Variants in SLC4A2 observed in about 807,000 individuals in gnomAD.
The protein encoded by SLC4A2 is solute carrier family 4 member 2, also known as anion exchange protein 2.
A neutral mutation model predicts 115.0 loss-of-function variants in SLC4A2; 36 were observed. The ratio of observed to expected loss-of-function variants is 0.31; its 90% CI spans 0.24 to 0.41. SLC4A2 has a LOEUF of 0.41. Among genes scored for constraint, SLC4A2 ranks in the 10% least tolerant of loss-of-function variants. SLC4A2 has a pLI of 1.00. For missense variants in SLC4A2, 1,252 were observed against 1,705.6 expected (o/e 0.73, Z 4.68); for synonymous variants, 708 against 708.3 (o/e 1.00, Z 0.01).
chr7:151,066,570 C>G lies in SLC4A2; in HGVS notation c.632C>G (p.Ala211Gly), dbSNP rs781279800. 1 of 1,545,886 alleles carries G rather than the reference C, an allele frequency of 6.5e-7. No homozygotes were observed. The highest frequency in any genetic ancestry group is 8.7e-7 in the Non-Finnish European group (1 of 1,145,364). The change falls in exon 6 of 23, where the codon GCA (alanine) becomes GGA (glycine). Residue 211 changes from alanine to glycine, a missense_variant. Transcript: ENST00000413384. ...AEAVAVASGT[A>G]GGDDGGASGR... The stretch of plus-strand genomic sequence containing the variant: ...GCGGTGGCGGTGGCCAGTGGCACTG[C>G]AGGGGGTGACGACGGGGGTGCCTCG...
In SLC4A2 at chr7:151,066,816, AG is replaced by A. The variant is rs1797252400; in HGVS notation, c.824-30del. On this transcript the variant is annotated intron_variant, in intron 6 of 22. Coordinates refer to ENST00000413384, the MANE Select transcript of SLC4A2 (RefSeq NM_003040.4). ...ACTGGTGGGCAAAGGAGTGAGAGAAAGGGGGAGCCCAACCTTGGTCCTCTGC... is the reference window on the plus strand; with the variant it reads ...ACTGGTGGGCAAAGGAGTGAGAGAAAGGGGAGCCCAACCTTGGTCCTCTGC... 4 of 1,599,002 alleles carry A rather than the reference AG, an allele frequency of 2.5e-6. No individual in the cohort carries two copies. The South Asian group carries it at 4.5e-5, about 18-fold the overall frequency.
chr7:151,074,606 A>T, intron 18 of SLC4A2, 69 bp from the exon 19 acceptor site: 1 of 1,571,832 alleles, frequency 6.4e-7, no homozygotes, highest in Non-Finnish European at 8.7e-7. Context: ...TTAAGATGCC[A>T]TCCCCTTTCC....
chr7:151,075,781 C>A lies in SLC4A2; in HGVS notation c.3471+6C>A. ...ATGTCACTTACGTCAAGAAGGTGAGCCCCCCAGCTCCCCACCGGAAGGGGT... is the reference window on the plus strand; with the variant it reads ...ATGTCACTTACGTCAAGAAGGTGAGACCCCCAGCTCCCCACCGGAAGGGGT... On this transcript the variant is annotated splice_donor_region_variant and intron_variant, in intron 21 of 22. Transcript: ENST00000413384. 1 of 1,595,280 alleles carries A rather than the reference C, an allele frequency of 6.3e-7. No individual in the cohort carries two copies. Among genetic ancestry groups the A allele is most frequent in the Non-Finnish European group, 8.6e-7 (1 of 1,166,220 alleles).
At chr7:151,072,189 G>A in intron 16 of SLC4A2, 53 bp downstream of exon 16, 2 of 1,516,126 alleles carry the variant, frequency 1.3e-6, no homozygotes, top group Non-Finnish European at 1.8e-6. Context: ...TCTCAGGGCT[G>A]GAGGGAGTCT....
rs942896560 is a variant in SLC4A2 at position 151,062,486 on chromosome 7, T to C, written c.51+448T>C. The C allele has an allele frequency of 1.9e-5, 18 of 947,184 alleles. No individual in the cohort carries two copies. In the East Asian group the frequency reaches 1.0e-3, roughly 53 times the overall value. The allele number at this position is 947,184 out of a possible 1,614,324, so 58.7% of individuals were successfully genotyped here. A position where few individuals can be genotyped will look rare whatever the true frequency, so the allele number is the denominator to read the frequency against. ...GCCCCCACGTGGCCACCGCTCCACA[T>C]GGCCCCCTTTGGATTTTCCTAAGGA... On this transcript the variant is annotated intron_variant, in intron 2 of 22. Transcript: ENST00000413384.
chr7:151,066,356 T>C (rs1178869735), intron 5 of SLC4A2, among the ~76,000 whole-genome samples, 161 bp from the exon 6 acceptor site: 1 of 152,192 alleles, frequency 6.6e-6, no homozygotes, highest in Non-Finnish European at 1.5e-5. Flanking sequence ...GCAGTCTGCA[T>C]CCAGAATCCT....
Position 151,074,046 on chromosome 7 carries a change from A to G in SLC4A2, c.2543A>G (p.Gln848Arg). The G allele has an allele frequency of 1.3e-6, 2 of 1,576,378 alleles. No homozygotes were observed. The highest frequency in any genetic ancestry group is 1.7e-6 in the Non-Finnish European group (2 of 1,156,416). ...ETFYKLVKIF[Q>R]EHPLHGCSAS... ...GTGGCCTCCTCTCCCCAGATCTTCC[A>G]GGAGCACCCCCTGCATGGCTGCTCA... Residue 848 changes from glutamine to arginine, a missense_variant, in exon 17 of 23, where the codon CAG becomes CGG. Transcript: ENST00000413384.
In SLC4A2 at chr7:151,071,981, G is replaced by T. The variant is rs1160357129; in HGVS notation, c.2380G>T (p.Val794Leu). The stretch of plus-strand genomic sequence containing the variant: ...CCACCTGGAGTACCTGGTGGGCCGT[G>T]TGTGGATCGGCTTCTGGCTGGTGTT... ...SNHLEYLVGR[V>L]WIGFWLVFLA... Residue 794 changes from valine (V) to leucine (L), a missense_variant, in exon 16 of 23, where the codon GTG becomes TTG. Val to Leu is a conservative substitution (Grantham distance 32). Around this residue, in one of 14 missense-constraint regions of SLC4A2, gnomAD observed 118 missense variants for 203.3 expected, o/e 0.58. Transcript: ENST00000413384. This position sits in a 1 kb window ranked among gnomAD's most constrained non-coding sequence, Gnocchi z 5.5. The T allele has an allele frequency of 6.2e-7, 1 of 1,614,012 alleles. No individual in the cohort carries two copies. Among genetic ancestry groups the T allele is most frequent in the Non-Finnish European group, 8.5e-7 (1 of 1,180,014 alleles).
At chr7:151,070,421 G>C in intron 10 of SLC4A2, 36 bp from the exon 11 acceptor site, 1 of 1,611,306 alleles carries the variant, frequency 6.2e-7, no homozygotes, top group South Asian at 1.1e-5. Context: ...GAGTGGGAGG[G>C]GCCTGGCTGG....
At chr7:151,069,818 C>T in intron 8 of SLC4A2, 129 bp from the exon 9 acceptor site, 2 of 1,086,102 alleles carry the variant, frequency 1.8e-6, no homozygotes, top group Non-Finnish European at 2.8e-6. Context: ...AGCCCGCGTC[C>T]TTCATGTGTA....
At chr7:151,064,162 G>T in intron 2 of SLC4A2, 40 bp from the exon 3 acceptor site, 1 of 1,601,742 alleles carries the variant, frequency 6.2e-7, no homozygotes, top group Non-Finnish European at 8.5e-7. Context: ...ACAATTCCCA[G>T]TGAGCCCTGT....
Position 151,064,757 on chromosome 7 carries a change from C to G in SLC4A2, c.449C>G (p.Ser150Cys), listed in dbSNP as rs755431871. Reference sequence around the variant, plus strand: ...CAGCCGTCCCCTGTCTCCACACCCTCCTCGGTGCAGGTGCGCTGGGTGCGG... The same window carrying G: ...CAGCCGTCCCCTGTCTCCACACCCTGCTCGGTGCAGGTGCGCTGGGTGCGG... ...LTQPSPVSTP[S>C]SVQFFLQEDD... The change falls in exon 4 of 23, where the codon TCC (serine) becomes TGC (cysteine). Residue 150 changes from serine (S) to cysteine (C), a missense_variant. Ser to Cys is a moderately radical substitution (Grantham distance 112). Around this residue, in one of 14 missense-constraint regions of SLC4A2, gnomAD observed 215 missense variants for 205.2 expected, o/e 1.05. Transcript: ENST00000413384. 1 of 1,608,916 alleles carries G rather than the reference C, an allele frequency of 6.2e-7. No homozygotes were observed. Among genetic ancestry groups the G allele is most frequent in the Non-Finnish European group, 8.5e-7 (1 of 1,176,516 alleles).
rs78402799 is a variant in SLC4A2 at position 151,069,601 on chromosome 7, G to C, written c.1148-346G>C. Among the ~76,000 whole-genome samples, 28 of 152,288 alleles carry C rather than the reference G, an allele frequency of 1.8e-4. No individual in the cohort carries two copies. In the East Asian group the frequency reaches 5.4e-3, roughly 29 times the overall value. On this transcript the variant is annotated intron_variant, in intron 8 of 22. Coordinates refer to ENST00000413384, the MANE Select transcript of SLC4A2 (RefSeq NM_003040.4). ...AGGAGAGTTTTCTAACAGCCAAGAG[G>C]GTTCAGCCAGAGTGGGCGGCCTGGA...
At chr7:151,072,457 A>C (rs987238185) in intron 16 of SLC4A2, among the ~76,000 whole-genome samples, 1 of 151,684 alleles carries the variant, frequency 6.6e-6, no homozygotes, top group Admixed American at 6.6e-5. Context: ...ATACCTGGCT[A>C]ATTTTTGTAA....
chr7:151,068,526 AT>A (rs35803484), intron 8 of SLC4A2, among the ~76,000 whole-genome samples: 12 of 150,328 alleles, frequency 8.0e-5, no homozygotes, highest in African/African-American at 2.7e-4. Flanking sequence ...AAAAAAATTA[AT>A]TTTTTTTTTC....
rs898423932 is a variant in SLC4A2 at position 151,060,649 on chromosome 7, A to C, written c.-64+887A>C. On this transcript the variant is annotated intron_variant, in intron 1 of 22. Transcript: ENST00000413384. This position sits in a 1 kb window ranked among gnomAD's most constrained non-coding sequence, Gnocchi z 5.9. ...CGACGAGGGCACAGCCTGAGGTGGGAGTGGGCGCCTGCAGGTGCTCTGGGC... is the reference window on the plus strand; with the variant it reads ...CGACGAGGGCACAGCCTGAGGTGGGCGTGGGCGCCTGCAGGTGCTCTGGGC... Among the ~76,000 whole-genome samples, 5 of 152,064 alleles carry C rather than the reference A, an allele frequency of 3.3e-5. No individual in the cohort carries two copies. The highest frequency in any genetic ancestry group is 1.3e-4 in the Admixed American group (2 of 15,280).
chr7:151,064,055 G>T, intron 2 of SLC4A2, 147 bp from the exon 3 acceptor site: 1 of 723,178 alleles, frequency 1.4e-6, no homozygotes, highest in South Asian at 1.8e-5. Flanking sequence ...AGGGACAGCT[G>T]CTGGGGGCAT....
chr7:151,068,258 C>T (rs1025911361), intron 8 of SLC4A2, among the ~76,000 whole-genome samples: 22 of 152,182 alleles, frequency 1.4e-4, no homozygotes, highest in African/African-American at 5.3e-4. Flanking sequence ...GTTTTGGTTG[C>T]GAAAATGTTC....
chr7:151,074,768 T>C lies in SLC4A2; in HGVS notation c.2974T>C (p.Trp992Arg), dbSNP rs763144308. 1.2e-6 allele frequency: 2 copies of C among 1,613,802 alleles called. No individual in the cohort carries two copies. Among genetic ancestry groups the C allele is most frequent in the Non-Finnish European group, 1.7e-6 (2 of 1,179,930 alleles). Residue 992 changes from tryptophan (W) to arginine (R), a missense_variant, in exon 19 of 23, where the codon TGG (tryptophan) becomes CGG (arginine). This residue lies in a region of SLC4A2 where 253 missense variants were observed against 407.4 expected (regional missense o/e 0.62). Transcript: ENST00000413384. ...GGGAGAGAAGAGCCCCTTCCCTGTG[T>C]GGATGATGGTTGCCAGCCTGCTGCC... is the stretch of plus-strand genomic sequence containing the variant. ...PLGEKSPFPV[W>R]MMVASLLPAI...
Sources: gnomAD v4.1 joint callset for allele counts (sites outside exome capture counted in the v4.1 genomes callset) on GRCh38, gnomAD v4.1.1 for gene constraint, gnomAD v4.1.1 regional missense constraint, Gnocchi (gnomAD v3.1) non-coding constraint, MANE v1.5 for transcripts, NCBI Gene and HGNC (gene_info 2026-07-23, HGNC 2026-07-21) for gene names.